Variants in BEND7 observed in about 807,000 individuals in gnomAD.
BEND7 encodes the protein BEN domain-containing protein 7.
In BEND7, 28 loss-of-function variants were observed where a neutral mutation model predicts 50.9. The observed-to-expected ratio is 0.55, with a 90% confidence interval of 0.41 to 0.75. The LOEUF (loss-of-function observed/expected upper bound fraction) is 0.75, where lower values mean the gene tolerates loss of function less well. Ranked by LOEUF, BEND7 falls within the 30% of genes least tolerant of loss-of-function variation. The pLI is 0.00. For synonymous variants in BEND7, 170 were observed against 183.9 expected (o/e 0.92, Z 0.61); for missense variants, 477 against 491.3 (o/e 0.97, Z 0.28).
chr10:13,487,784 A>G (rs988210998), intron 5 of BEND7, among the ~76,000 whole-genome samples: 25 of 152,072 alleles, frequency 1.6e-4, no homozygotes, highest in African/African-American at 5.3e-4. Context: ...TATTGGGCTA[A>G]GAAGTTGTTA....
At chr10:13,482,475 A>C (rs2075933420) in intron 5 of BEND7, among the ~76,000 whole-genome samples, 2 of 152,280 alleles carry the variant, frequency 1.3e-5, no homozygotes, top group African/African-American at 4.8e-5. Context: ...TCCGGGATGA[A>C]TTTCTCTCCT....
intron 4 of BEND7, among the ~76,000 whole-genome samples, chr10:13,494,301 C>T (rs2076881557): frequency 6.6e-6 from 1 of 152,170 alleles, no homozygotes; most frequent in Admixed American, 6.5e-5. Context: ...CCTGTAGTCC[C>T]AGCTACTTGA....
intron 5 of BEND7, among the ~76,000 whole-genome samples, chr10:13,488,703 T>C (rs896471037): frequency 1.1e-4 from 17 of 152,100 alleles, no homozygotes; most frequent in Admixed American, 9.2e-4. Context: ...TGGCCAGGAC[T>C]GTCTCAATCT....
At chr10:13,440,860 C>CTG (rs550789682), downstream of BEND7, among the ~76,000 whole-genome samples, 175 of 152,322 alleles carry the variant, frequency 1.1e-3, 4 homozygotes, top group South Asian at 0.03. Context: ...GTGGGACTTG[C>CTG]TGTAGCCATT....
chr10:13,520,386 T>G lies in BEND7; in HGVS notation c.145+5752A>C, dbSNP rs557765894. On this transcript the variant is annotated intron_variant, in intron 2 of 8. Coordinates refer to ENST00000466271, the MANE Select transcript of BEND7 (RefSeq NM_001369863.1). ...TCCTCTGCACCTGGAAGTCCTGGTT[T>G]AGGAAGCCGGTTGGCTCAAGGGAAG... Among the ~76,000 whole-genome samples, 5 of 151,966 alleles carry G rather than the reference T, an allele frequency of 3.3e-5. No homozygotes were observed. In the East Asian group the frequency reaches 9.7e-4, roughly 29 times the overall value.
In BEND7 at chr10:13,448,935, T is replaced by C. The variant is rs181206295; in HGVS notation, c.1184-1619A>G. Reference sequence around the variant, plus strand: ...GCTTGGTGAGCCGAGATCGCGCCACTGCACTCCAGCCTGGGCGACAGAGCG... The same window carrying C: ...GCTTGGTGAGCCGAGATCGCGCCACCGCACTCCAGCCTGGGCGACAGAGCG... On this transcript the variant is annotated intron_variant, in intron 7 of 8. Transcript: ENST00000466271. Among the ~76,000 whole-genome samples, 73 of 142,532 alleles carry C rather than the reference T, an allele frequency of 5.1e-4. 1 individual carries two copies. Among genetic ancestry groups the C allele is most frequent in the African/African-American group, 1.8e-3 (69 of 37,584 alleles). The allele number at this position is 142,532 out of a possible 152,430, so 93.5% of individuals were successfully genotyped here.
upstream of BEND7, among the ~76,000 whole-genome samples, chr10:13,529,632 A>T (rs1564434302): frequency 6.6e-6 from 1 of 152,122 alleles, no homozygotes. Flanking sequence ...GGTGCAGGGC[A>T]CTATGCTTCT....
At chr10:13,483,746 A>G (rs17612266) in intron 5 of BEND7, among the ~76,000 whole-genome samples, 1,912 of 152,280 alleles carry the variant, frequency 0.013, 15 homozygotes, top group Admixed American at 0.019. Context: ...CCTATCCTAT[A>G]AAGTCGAACG....
chr10:13,497,441 C>T (rs2077103792), intron 3 of BEND7, among the ~76,000 whole-genome samples: 1 of 152,148 alleles, frequency 6.6e-6, no homozygotes, highest in Non-Finnish European at 1.5e-5. Context: ...GGTGGGGAAG[C>T]ACAGAGGAGC....
At chr10:13,462,477 G>A (rs1840416887) in intron 6 of BEND7, among the ~76,000 whole-genome samples, 1 of 152,124 alleles carries the variant, frequency 6.6e-6, no homozygotes, top group Non-Finnish European at 1.5e-5. Flanking sequence ...TGATATGTGG[G>A]GATTATTATA....
chr10:13,452,570 T>G lies in BEND7; in HGVS notation c.1152A>C (p.Lys384Asn). 1 of 1,613,338 alleles carries G rather than the reference T, an allele frequency of 6.2e-7. No individual in the cohort carries two copies. The highest frequency in any genetic ancestry group is 1.1e-5 in the South Asian group (1 of 90,872). The change falls in exon 7 of 9, where the codon AAA (lysine) becomes AAC (asparagine). Residue 384 changes from lysine (K) to asparagine (N), a missense_variant. Transcript: ENST00000466271. ...CTCTTTTTAACCTTCTTCTGGCCAG[T>G]TTAATTTGATCCTGTAGAATCTGTA... The part of the protein sequence containing the change: ...DWVQILQDQI[K>N]LARRRLKRGS...
chr10:13,439,144 C>A (rs753429953), downstream of BEND7: 6 of 1,523,534 alleles, frequency 3.9e-6, no homozygotes, highest in Admixed American at 5.7e-5. Flanking sequence ...ATGGGTGATA[C>A]ACACACACAT....
intron 6 of BEND7, among the ~76,000 whole-genome samples, chr10:13,479,058 G>A (rs1038614505): frequency 2.0e-5 from 3 of 149,484 alleles, no homozygotes; most frequent in Admixed American, 6.7e-5. Context: ...CCAGGCTGGA[G>A]TACAATGGTG....
intron 2 of BEND7, 34 bp downstream of exon 2, chr10:13,526,103 GT>G: frequency 1.8e-6 from 2 of 1,140,702 alleles, no homozygotes; most frequent in African/African-American, 3.2e-5. Context: ...TGGTCACGAT[GT>G]TTTGCTGAGG....
intron 2 of BEND7, among the ~76,000 whole-genome samples, chr10:13,515,453 T>G (rs975048112): frequency 2.0e-5 from 3 of 152,230 alleles, no homozygotes; most frequent in Non-Finnish European, 4.4e-5. Context: ...TTTCTGCATG[T>G]TTGAAAAACA....
chr10:13,440,096 C>T (rs1466734357), downstream of BEND7, among the ~76,000 whole-genome samples: 1 of 152,124 alleles, frequency 6.6e-6, no homozygotes, highest in Non-Finnish European at 1.5e-5. Flanking sequence ...GGAGAGGTGA[C>T]GACTGAGGCA....
chr10:13,481,176 C>G, intron 5 of BEND7, 52 bp from the exon 6 acceptor site: 1 of 1,573,858 alleles, frequency 6.4e-7, no homozygotes, highest in Non-Finnish European at 8.7e-7. Context: ...AAGCATCTGA[C>G]TTTGGGTACA....
intron 4 of BEND7, among the ~76,000 whole-genome samples, chr10:13,493,878 G>A (rs1472031220): frequency 1.3e-5 from 2 of 152,114 alleles, no homozygotes; most frequent in East Asian, 3.9e-4. Flanking sequence ...TAAGACAAGT[G>A]AAAACTAAAG....
chr10:13,496,309 C>G (rs1380116781), intron 4 of BEND7, among the ~76,000 whole-genome samples: 3 of 152,202 alleles, frequency 2.0e-5, no homozygotes, highest in Non-Finnish European at 4.4e-5. Context: ...AAAAAGGAGT[C>G]ACATAAACAA....
Sources: gnomAD v4.1 joint callset for allele counts (sites outside exome capture counted in the v4.1 genomes callset) on GRCh38, gnomAD v4.1.1 for gene constraint, MANE v1.5 for transcripts, NCBI Gene and HGNC (gene_info 2026-07-23, HGNC 2026-07-21) for gene names.